ESR1: variants seen among roughly 807,000 people sequenced by gnomAD.
The protein encoded by ESR1 is estrogen receptor 1, also known as estrogen receptor.
In ESR1, 12 loss-of-function variants were observed where a neutral mutation model predicts 52.7. The ratio of observed to expected loss-of-function variants is 0.23; its 90% CI spans 0.15 to 0.37. The LOEUF (loss-of-function observed/expected upper bound fraction) is 0.37, where lower values mean the gene tolerates loss of function less well. Among genes scored for constraint, ESR1 ranks in the 10% least tolerant of loss-of-function variants. ESR1 has a pLI of 1.00. For missense variants in ESR1, 584 were observed against 779.7 expected, an observed-to-expected ratio of 0.75 and a Z score of 2.99; for synonymous variants, 305 against 316.8, an observed-to-expected ratio of 0.96 and a Z score of 0.39.
chr6:151,902,177 A>G (rs1796791959), intron 3 of ESR1, among the ~76,000 whole-genome samples: 1 of 152,172 alleles, frequency 6.6e-6, no homozygotes, highest in African/African-American at 2.4e-5. Flanking sequence ...GCAACCTAAA[A>G]GTGAAAAGAG....
At chr6:151,947,658 G>T (rs1032253668) in intron 4 of ESR1, among the ~76,000 whole-genome samples, 1 of 152,054 alleles carries the variant, frequency 6.6e-6, no homozygotes. Context: ...TTTTTGACTT[G>T]ATATGTTTCT....
Position 152,100,082 on chromosome 6 carries a change from C to A in ESR1, c.*1116C>A. The A allele has an allele frequency of 2.5e-6, 1 of 398,878 alleles. No homozygotes were observed. Among genetic ancestry groups the A allele is most frequent in the South Asian group, 1.3e-4 (1 of 7,862 alleles). The allele number at this position is 398,878 out of a possible 1,614,324, so 24.7% of individuals were successfully genotyped here. On this transcript the variant is annotated 3_prime_UTR_variant, in exon 8 of 8. Coordinates refer to ENST00000206249, the MANE Select transcript of ESR1 (RefSeq NM_000125.4). ...GTTCTGAGGCACAGCCAGACTTGCT[C>A]AGGGTGGCCCTGCCACAGGCTGCAG...
At chr6:151,829,109 C>T (rs1781972318) in intron 1 of ESR1, among the ~76,000 whole-genome samples, 1 of 152,176 alleles carries the variant, frequency 6.6e-6, no homozygotes, top group Non-Finnish European at 1.5e-5. Flanking sequence ...GGAAAAAGAA[C>T]CTCTCTTAAT....
intron 3 of ESR1, among the ~76,000 whole-genome samples, chr6:151,917,573 C>G (rs2030550733): frequency 6.6e-6 from 1 of 152,152 alleles, no homozygotes; most frequent in Admixed American, 6.5e-5. Context: ...CATGTGGATG[C>G]TACTTGCCAG....
chr6:152,029,921 C>T (rs1186046967), intron 5 of ESR1, among the ~76,000 whole-genome samples: 1 of 152,170 alleles, frequency 6.6e-6, no homozygotes, highest in South Asian at 2.1e-4. Context: ...AAGGGAAGCC[C>T]ATCAGACTAA....
chr6:151,801,237 CAATAATTGG>C (rs935547635), upstream of ESR1, among the ~76,000 whole-genome samples: 1 of 152,016 alleles, frequency 6.6e-6, no homozygotes, highest in African/African-American at 2.4e-5. Flanking sequence ...CACAGTGTAA[CAATAATTGG>C]AATAATTGGA....
chr6:151,893,485 A>G (rs1357097081), intron 3 of ESR1, among the ~76,000 whole-genome samples: 1 of 151,300 alleles, frequency 6.6e-6, no homozygotes, highest in Non-Finnish European at 1.5e-5. Context: ...TTTTATATAT[A>G]AAATTTATAT....
At chr6:151,769,464 T>A (rs1026178310) in intron 2 of ESR1, among the ~76,000 whole-genome samples, 12 of 152,136 alleles carry the variant, frequency 7.9e-5, no homozygotes, top group African/African-American at 2.9e-4. Context: ...GTAAGTGTGA[T>A]TATGGCAAGG....
intron 2 of ESR1, among the ~76,000 whole-genome samples, chr6:151,775,842 T>G (rs1428670448): frequency 6.6e-6 from 1 of 152,108 alleles, no homozygotes; most frequent in East Asian, 1.9e-4. Flanking sequence ...GAAGATATTG[T>G]TCAAGGCCTG....
intron 2 of ESR1, among the ~76,000 whole-genome samples, chr6:151,772,655 A>C (rs1485511098): frequency 6.6e-6 from 1 of 152,222 alleles, no homozygotes; most frequent in Non-Finnish European, 1.5e-5. Context: ...GCTGCATGCT[A>C]GTGAGCAATT....
At chr6:151,677,463 CAG>C (rs1217337653) in intron 1 of ESR1, among the ~76,000 whole-genome samples, 5 of 152,220 alleles carry the variant, frequency 3.3e-5, no homozygotes, top group African/African-American at 1.2e-4. Context: ...AATGTACACA[CAG>C]AGCCTTTTAT....
intron 2 of ESR1, among the ~76,000 whole-genome samples, chr6:151,780,471 A>G (rs577812202): frequency 6.6e-6 from 1 of 152,248 alleles, no homozygotes; most frequent in African/African-American, 2.4e-5. Context: ...GACAGCACAA[A>G]AGAATTACTC....
chr6:151,783,272 C>G (rs1365342733), intron 2 of ESR1, among the ~76,000 whole-genome samples: 2 of 152,230 alleles, frequency 1.3e-5, no homozygotes, highest in African/African-American at 2.4e-5. Flanking sequence ...GGGATCAGCA[C>G]CAGCCCTGTG....
At position 151,733,633 on chromosome 6, in the gene ESR1, G is replaced by A. The variant is rs374324983; in HGVS notation, c.-71+31628G>A. Reference sequence around the variant, plus strand: ...TATAGTTGAAAAGACCTTGCATTTAGGAAGTGGTAAAATGGGAATTTGCGA... The same window carrying A: ...TATAGTTGAAAAGACCTTGCATTTAAGAAGTGGTAAAATGGGAATTTGCGA... On this transcript the variant is annotated intron_variant, in intron 2 of 2. Transcript: ENST00000404742. Among the ~76,000 whole-genome samples the A allele has an allele frequency of 5.3e-5, 8 of 152,232 alleles. No homozygotes were observed. In the East Asian group the frequency reaches 1.3e-3, roughly 26 times the overall value.
intron 3 of ESR1, among the ~76,000 whole-genome samples, chr6:151,885,728 G>A (rs1031796472): frequency 6.6e-6 from 1 of 152,144 alleles, no homozygotes; most frequent in African/African-American, 2.4e-5. Flanking sequence ...GATGGCAGAA[G>A]CCTGTAATCC....
intron 4 of ESR1, among the ~76,000 whole-genome samples, chr6:151,952,597 A>T (rs941196587): frequency 2.6e-5 from 4 of 152,252 alleles, no homozygotes; most frequent in Non-Finnish European, 5.9e-5. Context: ...TCACAGAACA[A>T]AAACTAGTCC....
intron 1 of ESR1, among the ~76,000 whole-genome samples, chr6:151,838,794 G>A (rs1264591160): frequency 1.3e-5 from 2 of 152,012 alleles, no homozygotes; most frequent in Non-Finnish European, 1.5e-5. Context: ...TAGTTTCCCC[G>A]TCTTCTTTAG....
chr6:151,669,921 C>T (rs967868110), intron 1 of ESR1, among the ~76,000 whole-genome samples: 10 of 152,008 alleles, frequency 6.6e-5, no homozygotes, highest in African/African-American at 2.2e-4. Context: ...ATGGAAGACA[C>T]GGAAGATTTG....
intron 4 of ESR1, among the ~76,000 whole-genome samples, chr6:152,001,726 G>A (rs1562654140): frequency 6.6e-6 from 1 of 152,016 alleles, no homozygotes; most frequent in Non-Finnish European, 1.5e-5. Context: ...AGTGGTTACT[G>A]ACTTCAAAGG....
Sources: allele counts gnomAD v4.1 joint callset (sites outside exome capture counted in the v4.1 genomes callset), GRCh38; gene constraint gnomAD v4.1.1; transcripts MANE v1.5; gene names NCBI Gene and HGNC (gene_info 2026-07-23, HGNC 2026-07-21).